The following RBPMS variants were observed in gnomAD, a reference collection of about 807,000 sequenced individuals.
RBPMS encodes RNA-binding protein with multiple splicing.
Under a neutral mutation model 26.8 loss-of-function variants are expected in RBPMS, and 7 were observed. The observed-to-expected ratio is 0.26, with a 90% confidence interval of 0.15 to 0.49. RBPMS has a LOEUF of 0.49. Ranked by LOEUF, RBPMS falls within the 20% of genes least tolerant of loss-of-function variation. RBPMS has a pLI of 0.98. For synonymous variants in RBPMS, 96 were observed against 93.3 expected, an observed-to-expected ratio of 1.03 and a Z score of -0.17; for missense variants, 186 against 250.0, an observed-to-expected ratio of 0.74 and a Z score of 1.73.
Position 30,385,053 on chromosome 8 carries a change from GC to G in RBPMS, c.-36del. ...CTAGCGCGCCCTCGCCCAGCCCCGC[GC>G]CCCAGCCCTGCCCGGCCCGGCGAGG... On this transcript the variant is annotated 5_prime_UTR_variant, in exon 1 of 9. Coordinates refer to ENST00000397323, the MANE Select transcript of RBPMS (RefSeq NM_001008710.3). 2 of 1,465,632 alleles carry G rather than the reference GC, an allele frequency of 1.4e-6. No individual in the cohort carries two copies. The highest frequency in any genetic ancestry group is 1.3e-5 in the South Asian group (1 of 75,830). 90.8% of individuals were successfully genotyped at this position (1,465,632 alleles called of 1,614,324 possible).
chr8:30,472,638 G>A (rs1208250740), intron 1 of RBPMS, among the ~76,000 whole-genome samples: 1 of 152,090 alleles, frequency 6.6e-6, no homozygotes, highest in Admixed American at 6.5e-5. Context: ...AGAATTCTGG[G>A]GCTATTTACA....
intron 1 of RBPMS, among the ~76,000 whole-genome samples, chr8:30,469,540 C>T (rs1816863145): frequency 1.3e-5 from 2 of 152,232 alleles, no homozygotes; most frequent in African/African-American, 4.8e-5. Context: ...GGTACATCTA[C>T]AAATCTTTTT....
At chr8:30,554,953 C>CA (rs1259548248) in intron 6 of RBPMS, among the ~76,000 whole-genome samples, 2 of 152,200 alleles carry the variant, frequency 1.3e-5, no homozygotes, top group African/African-American at 4.8e-5. Context: ...CTCACCACTG[C>CA]AGAAGGGTTG....
chr8:30,562,391 C>G (rs977129674), intron 7 of RBPMS, among the ~76,000 whole-genome samples: 79 of 151,194 alleles, frequency 5.2e-4, no homozygotes, highest in African/African-American at 1.8e-3. Flanking sequence ...CTGAGCTAAG[C>G]TTGGGCCATG....
intron 1 of RBPMS, among the ~76,000 whole-genome samples, chr8:30,436,401 G>A (rs1723557613): frequency 6.6e-6 from 1 of 152,152 alleles, no homozygotes; most frequent in Admixed American, 6.5e-5. Context: ...TTTGAAAGCT[G>A]CTGTCTAATT....
At chr8:30,522,629 G>A (rs1033004592) in intron 5 of RBPMS, among the ~76,000 whole-genome samples, 3 of 152,004 alleles carry the variant, frequency 2.0e-5, no homozygotes, top group African/African-American at 7.2e-5. Context: ...GGAAACTTTT[G>A]GAAATGATGG....
chr8:30,544,535 G>C lies in RBPMS; in HGVS notation c.439G>C (p.Val147Leu). The change falls in exon 6 of 9, where the codon GTG (valine) becomes CTG (leucine). Residue 147 changes from valine to leucine, a missense_variant. This residue lies in a region of RBPMS where 98 missense variants were observed against 113.6 expected (regional missense o/e 0.86). Coordinates refer to ENST00000397323, the MANE Select transcript of RBPMS (RefSeq NM_001008710.3). ...TGCACTTTACCCCAGTAGCCCTGAA[G>C]TGTGGGCCCCGTACCCTCTGTACCC... ...VPALYPSSPEVWAPYPLYPAE... is the reference protein window; with the variant it reads ...VPALYPSSPELWAPYPLYPAE... The C allele has an allele frequency of 6.2e-7, 1 of 1,614,200 alleles. No individual in the cohort carries two copies. Among genetic ancestry groups the C allele is most frequent in the Non-Finnish European group, 8.5e-7 (1 of 1,180,042 alleles).
rs375187073 is a variant in RBPMS at position 30,463,110 on chromosome 8, A to G, written c.67-11669A>G. On this transcript the variant is annotated intron_variant, in intron 1 of 8. Coordinates refer to ENST00000397323, the MANE Select transcript of RBPMS (RefSeq NM_001008710.3). ...TCTTAGGATTGCCTTTGGTACATGA[A>G]AATGCATCTTTTTTGTGAACATTGT... Among the ~76,000 whole-genome samples, 6 of 152,306 alleles carry G rather than the reference A, an allele frequency of 3.9e-5. No homozygotes were observed. The East Asian group carries it at 9.6e-4, about 24-fold the overall frequency.
chr8:30,441,574 G>A (rs947361348), intron 1 of RBPMS, among the ~76,000 whole-genome samples: 2 of 152,100 alleles, frequency 1.3e-5, no homozygotes, highest in Non-Finnish European at 2.9e-5. Flanking sequence ...CAAGAAGATG[G>A]ATAAGGTGGT....
intron 3 of RBPMS, 90 bp downstream of exon 3, chr8:30,477,927 A>G: frequency 1.1e-6 from 1 of 892,388 alleles, no homozygotes; most frequent in Non-Finnish European, 1.8e-6. Flanking sequence ...TATTCCCATT[A>G]GAATTTGAGG....
chr8:30,429,597 C>T (rs1811713241), intron 1 of RBPMS, among the ~76,000 whole-genome samples: 3 of 152,156 alleles, frequency 2.0e-5, no homozygotes, highest in Admixed American at 6.5e-5. Flanking sequence ...TAGCCAATTA[C>T]AGTACATCTC....
At chr8:30,501,692 T>C (rs879358312) in intron 4 of RBPMS, among the ~76,000 whole-genome samples, 23 of 152,214 alleles carry the variant, frequency 1.5e-4, no homozygotes, top group Non-Finnish European at 2.8e-4. Context: ...TCTCTGTTCA[T>C]TGTGAGAAGA....
At chr8:30,408,958 G>T (rs533773743) in intron 1 of RBPMS, among the ~76,000 whole-genome samples, 1 of 152,060 alleles carries the variant, frequency 6.6e-6, no homozygotes. Flanking sequence ...ATACAAGATC[G>T]GTCTTTTGGC....
intron 6 of RBPMS, among the ~76,000 whole-genome samples, chr8:30,548,496 AG>A (rs1826039443): frequency 6.6e-6 from 1 of 152,234 alleles, no homozygotes; most frequent in African/African-American, 2.4e-5. Context: ...CCAGAGTAAC[AG>A]CAGTTCTATC....
chr8:30,517,386 C>T (rs1822460111), intron 5 of RBPMS, among the ~76,000 whole-genome samples: 1 of 152,150 alleles, frequency 6.6e-6, no homozygotes, highest in Admixed American at 6.5e-5. Flanking sequence ...CTTCGTGTAG[C>T]CACTAGGACC....
chr8:30,415,423 C>T (rs1341503172), intron 1 of RBPMS, among the ~76,000 whole-genome samples: 1 of 152,206 alleles, frequency 6.6e-6, no homozygotes, highest in Admixed American at 6.5e-5. Context: ...GAAATATACT[C>T]TGCCACTCTG....
chr8:30,392,667 T>C lies in RBPMS; in HGVS notation c.66+7509T>C, dbSNP rs185848214. Among the ~76,000 whole-genome samples the C allele has an allele frequency of 1.8e-3, 276 of 152,318 alleles. 2 individuals are homozygous for C. The highest frequency in any genetic ancestry group is 6.1e-3 in the African/African-American group (255 of 41,578). ...GAGGCAGCAGCCTGGCAGTGGCAAC[T>C]GAGGCAGAGATGCCAGGTGTTCAGG... On this transcript the variant is annotated intron_variant, in intron 1 of 8. Coordinates refer to ENST00000397323, the MANE Select transcript of RBPMS (RefSeq NM_001008710.3).
intron 2 of RBPMS, among the ~76,000 whole-genome samples, chr8:30,475,175 T>C (rs1365036907): frequency 6.6e-6 from 1 of 152,236 alleles, no homozygotes; most frequent in Non-Finnish European, 1.5e-5. Context: ...CTAACCACCG[T>C]TATTTTTTCC....
At chr8:30,411,291 G>A (rs184204330) in intron 1 of RBPMS, among the ~76,000 whole-genome samples, 13 of 152,244 alleles carry the variant, frequency 8.5e-5, no homozygotes, top group Admixed American at 2.6e-4. Context: ...TTATTCTAAG[G>A]ATTGGAATCT....
Sources: gnomAD v4.1 joint callset for allele counts (sites outside exome capture counted in the v4.1 genomes callset) on GRCh38, gnomAD v4.1.1 for gene constraint, gnomAD v4.1.1 regional missense constraint, MANE v1.5 for transcripts, NCBI Gene and HGNC (gene_info 2026-07-23, HGNC 2026-07-21) for gene names.